ENPP3: variants seen among roughly 807,000 people sequenced by gnomAD.
ENPP3 encodes ectonucleotide pyrophosphatase/phosphodiesterase 3, also known as ectonucleotide pyrophosphatase/phosphodiesterase family member 3.
Under a neutral mutation model 117.8 loss-of-function variants are expected in ENPP3, and 104 were observed. That is an observed-to-expected ratio of 0.88 (90% CI 0.75 to 1.04). The LOEUF (loss-of-function observed/expected upper bound fraction) is 1.04, where lower values mean the gene tolerates loss of function less well. Ranked by LOEUF, ENPP3 falls within the 50% of genes least tolerant of loss-of-function variation. The pLI is 0.00. For synonymous variants in ENPP3, 380 were observed against 349.9 expected (o/e 1.09, Z -0.96); for missense variants, 1,026 against 1,051.9 (o/e 0.98, Z 0.34).
intron 15 of ENPP3, among the ~76,000 whole-genome samples, chr6:131,713,096 A>C (rs1274187597): frequency 2.3e-5 from 3 of 131,288 alleles, no homozygotes; most frequent in African/African-American, 7.8e-5. Context: ...ATAGTGAATA[A>C]GTCTCATGAG....
chr6:131,654,873 G>T (rs1473172771), intron 5 of ENPP3, among the ~76,000 whole-genome samples: 1 of 152,158 alleles, frequency 6.6e-6, no homozygotes, highest in African/African-American at 2.4e-5. Flanking sequence ...GTGGGTGGAA[G>T]AGTAAAGGAT....
intron 6 of ENPP3, among the ~76,000 whole-genome samples, chr6:131,660,935 A>G (rs1254714579): frequency 1.3e-5 from 2 of 152,128 alleles, no homozygotes; most frequent in South Asian, 4.1e-4. Context: ...CTTTGCTTCT[A>G]TGATTTTAAC....
intron 11 of ENPP3, among the ~76,000 whole-genome samples, chr6:131,679,137 C>G (rs1022471277): frequency 8.7e-5 from 13 of 149,430 alleles, no homozygotes; most frequent in Non-Finnish European, 1.9e-4. Context: ...CTCTGTCACC[C>G]AGGCTGGAAT....
chr6:131,679,117 T>C (rs565524194), intron 11 of ENPP3, among the ~76,000 whole-genome samples: 55 of 147,794 alleles, frequency 3.7e-4, no homozygotes, highest in African/African-American at 1.3e-3. Flanking sequence ...TTTTTTGAGA[T>C]GGAGTCTTGC....
chr6:131,732,460 T>G (rs1780301389), intron 20 of ENPP3, among the ~76,000 whole-genome samples: 1 of 152,168 alleles, frequency 6.6e-6, no homozygotes, highest in African/African-American at 2.4e-5. Flanking sequence ...TTGCCCAGGC[T>G]GGAGTGCAGT....
intron 15 of ENPP3, among the ~76,000 whole-genome samples, chr6:131,697,962 G>C (rs545507624): frequency 6.6e-6 from 1 of 152,148 alleles, no homozygotes; most frequent in Non-Finnish European, 1.5e-5. Context: ...GTGCATCACC[G>C]GGAAGGTATT....
chr6:131,665,059 A>C (rs1778589609), intron 6 of ENPP3, among the ~76,000 whole-genome samples: 1 of 152,084 alleles, frequency 6.6e-6, no homozygotes, highest in South Asian at 2.1e-4. Context: ...ACATTAATTG[A>C]TTTTCATGTG....
At chr6:131,659,304 A>T (rs1778449979) in intron 6 of ENPP3, among the ~76,000 whole-genome samples, 1 of 149,988 alleles carries the variant, frequency 6.7e-6, no homozygotes, top group Non-Finnish European at 1.5e-5. Flanking sequence ...ATTTTTTTTT[A>T]AAAGAAGTTG....
chr6:131,679,011 T>TC (rs1778950491), intron 11 of ENPP3, among the ~76,000 whole-genome samples: 3 of 90,058 alleles, frequency 3.3e-5, no homozygotes, highest in South Asian at 3.9e-4. Context: ...GCTTCCTTCC[T>TC]TCCTTCCTTC....
chr6:131,699,213 G>A (rs1303566618), intron 15 of ENPP3, among the ~76,000 whole-genome samples: 1 of 138,582 alleles, frequency 7.2e-6, no homozygotes, highest in East Asian at 2.1e-4. Context: ...ACTCCAGCCT[G>A]GGCTATAGAG....
chr6:131,709,719 A>C (rs1295443067), intron 15 of ENPP3: 2 of 1,613,940 alleles, frequency 1.2e-6, no homozygotes, highest in Non-Finnish European at 8.5e-7. Context: ...CTAGCTTTCT[A>C]TAGGTCTCCA....
At chr6:131,716,616 T>G in intron 15 of ENPP3, among the ~76,000 whole-genome samples, 1 of 149,110 alleles carries the variant, frequency 6.7e-6, no homozygotes. Flanking sequence ...ATAATTCCAT[T>G]AATATTGGGA....
At position 131,720,420 on chromosome 6, in the gene ENPP3, G is replaced by T. The variant is rs148613879; in HGVS notation, c.1567+41G>T. 2.3e-3 allele frequency: 2,334 copies of T among 1,025,424 alleles called. 31 individuals carry two copies. In the African/African-American group the frequency reaches 0.034, roughly 15 times the overall value. The allele number at this position is 1,025,424 out of a possible 1,614,324, so 63.5% of individuals were successfully genotyped here. A position where few individuals can be genotyped will look rare whatever the true frequency, so the allele number is the denominator to read the frequency against. ...TAAGTTCGCCAACAAAATATGGATA[G>T]TTTTAAATATATGTGATTTGAAATT... On this transcript the variant is annotated intron_variant, in intron 17 of 24. Coordinates refer to ENST00000357639, the MANE Select transcript of ENPP3 (RefSeq NM_005021.5).
intron 21 of ENPP3, among the ~76,000 whole-genome samples, chr6:131,736,167 C>T (rs1780392650): frequency 6.6e-6 from 1 of 152,206 alleles, no homozygotes; most frequent in African/African-American, 2.4e-5. Flanking sequence ...CTGTCTGCTT[C>T]CAGAGCACCC....
intron 2 of ENPP3, among the ~76,000 whole-genome samples, chr6:131,646,677 T>C (rs1201391074): frequency 1.3e-5 from 2 of 151,748 alleles, no homozygotes; most frequent in East Asian, 1.9e-4. Flanking sequence ...TCTTACTTAA[T>C]GACCTTTTTT....
intron 14 of ENPP3, among the ~76,000 whole-genome samples, chr6:131,687,507 G>A (rs929668268): frequency 6.6e-6 from 1 of 151,988 alleles, no homozygotes; most frequent in Non-Finnish European, 1.5e-5. Flanking sequence ...CAAAAAATAG[G>A]TGAGACCTAA....
At chr6:131,726,994 A>G (rs73554727) in intron 20 of ENPP3, among the ~76,000 whole-genome samples, 1 of 152,162 alleles carries the variant, frequency 6.6e-6, no homozygotes, top group Non-Finnish European at 1.5e-5. Flanking sequence ...AAGAAGAACA[A>G]CATTAAAAAT....
chr6:131,686,962 C>T (rs1023532744), intron 14 of ENPP3, among the ~76,000 whole-genome samples: 3 of 152,122 alleles, frequency 2.0e-5, no homozygotes, highest in African/African-American at 7.2e-5. Flanking sequence ...GTGAATAATG[C>T]AGCAATACAC....
At position 131,710,979 on chromosome 6, in the gene ENPP3, C is replaced by A; in HGVS notation, c.1413-7693C>A. 4.5e-6 allele frequency: 7 copies of A among 1,570,008 alleles called. 1 individual carries two copies. Among genetic ancestry groups the A allele is most frequent in the Non-Finnish European group, 5.1e-6 (6 of 1,173,780 alleles). The stretch of plus-strand genomic sequence containing the variant: ...CTCTGCCTAGCTCCTCCAGGACCAG[C>A]CCCAGGTAGGGCTGAGGGGTAGCAC... On this transcript the variant is annotated intron_variant, in intron 15 of 24. Coordinates refer to ENST00000357639, the MANE Select transcript of ENPP3 (RefSeq NM_005021.5).
Sources: allele counts gnomAD v4.1 joint callset (sites outside exome capture counted in the v4.1 genomes callset), GRCh38; gene constraint gnomAD v4.1.1; transcripts MANE v1.5; gene names NCBI Gene and HGNC (gene_info 2026-07-23, HGNC 2026-07-21).